Variants in RHAG observed in about 807,000 individuals in gnomAD.
RHAG encodes ammonium transporter Rh type A.
A neutral mutation model predicts 42.4 loss-of-function variants in RHAG; 25 were observed. The observed-to-expected ratio is 0.59, with a 90% confidence interval of 0.43 to 0.82. The LOEUF is 0.82. Ranked by LOEUF, RHAG falls within the 40% of genes least tolerant of loss-of-function variation. The probability of loss-of-function intolerance (pLI) is 0.00; values close to 1 mark genes in which losing one functional copy is unlikely to be tolerated. For synonymous variants in RHAG, 182 were observed against 177.7 expected (o/e 1.02, Z -0.19); for missense variants, 483 against 504.6 (o/e 0.96, Z 0.41).
intron 7 of RHAG, among the ~76,000 whole-genome samples, 155 bp downstream of exon 7, chr6:49,610,869 A>G (rs542670429): frequency 1.2e-3 from 179 of 152,200 alleles, no homozygotes; most frequent in Non-Finnish European, 2.2e-3. Context: ...ATATAATTTT[A>G]TTCTAATGAT....
chr6:49,619,782 T>C (rs553094665), intron 1 of RHAG, among the ~76,000 whole-genome samples: 1 of 152,374 alleles, frequency 6.6e-6, no homozygotes, highest in African/African-American at 2.4e-5. Context: ...TTTATCATTG[T>C]CATGCTATAA....
intron 3 of RHAG, 132 bp from the exon 4 acceptor site, chr6:49,615,903 C>G: frequency 1.1e-6 from 1 of 896,354 alleles, no homozygotes; most frequent in Non-Finnish European, 1.8e-6. Flanking sequence ...AAGATTGTGT[C>G]AGAGAAAGGG....
At position 49,611,053 on chromosome 6, in the gene RHAG, A is replaced by G. The variant is rs747862195; in HGVS notation, c.1038T>C (p.Ile346=). The G allele has an allele frequency of 1.2e-6, 2 of 1,613,868 alleles. No homozygotes were observed. The highest frequency in any genetic ancestry group is 1.7e-6 in the Non-Finnish European group (2 of 1,179,842). ...LPGVVGGLAG[I]VAVAMGASNT... is the part of the protein sequence containing the mutation. ...TGGAGGCGCCCATTGCTACTGCCAC[A>G]ATGCCTGCAAGGCCTCCCACTACAC... The change falls in exon 7 of 10, where the codon ATT becomes ATC. Residue 346 remains isoleucine (I), a synonymous_variant. Coordinates refer to ENST00000371175, the MANE Select transcript of RHAG (RefSeq NM_000324.3).
chr6:49,613,492 C>T (rs1762600642), intron 5 of RHAG, among the ~76,000 whole-genome samples: 1 of 152,114 alleles, frequency 6.6e-6, no homozygotes, highest in African/African-American at 2.4e-5. Flanking sequence ...TTTTCCTTTT[C>T]ATTGTTTTTA....
intron 1 of RHAG, among the ~76,000 whole-genome samples, chr6:49,627,090 G>A (rs909524761): frequency 6.6e-6 from 1 of 152,222 alleles, no homozygotes; most frequent in Non-Finnish European, 1.5e-5. Context: ...ACATGCCCTG[G>A]TGACATTTTC....
chr6:49,606,998 AT>A, intron 8 of RHAG, 77 bp from the exon 9 acceptor site: 2 of 1,222,616 alleles, frequency 1.6e-6, no homozygotes, highest in Non-Finnish European at 2.4e-6. Context: ...CTTATATACT[AT>A]TATAAAATCA....
chr6:49,625,859 A>G (rs1364883524), intron 1 of RHAG, among the ~76,000 whole-genome samples: 1 of 152,188 alleles, frequency 6.6e-6, no homozygotes, highest in Non-Finnish European at 1.5e-5. Context: ...ATCATGGTGA[A>G]AGGCAAAGGA....
chr6:49,612,346 A>G (rs1227682514), intron 6 of RHAG, 51 bp downstream of exon 6: 1 of 1,598,134 alleles, frequency 6.3e-7, no homozygotes, highest in African/African-American at 1.3e-5. Flanking sequence ...GGGACATGTG[A>G]GAAAAAAGGT....
In RHAG at chr6:49,612,463, T is replaced by C. The variant is rs778903422; in HGVS notation, c.879A>G (p.Pro293=). The change falls in exon 6 of 10, where the codon CCA becomes CCG. Residue 293 remains proline (P), a synonymous_variant. Coordinates refer to ENST00000371175, the MANE Select transcript of RHAG (RefSeq NM_000324.3). ...TGCTCCCAATAATCATAGAACCAAA[T>C]GGGTGAATTGCCATATCCGCACAAG... The part of the protein sequence containing the change: ...VGTCADMAIH[P]FGSMIIGSIA... The C allele has an allele frequency of 1.9e-6, 3 of 1,614,022 alleles. No homozygotes were observed. Among genetic ancestry groups the C allele is most frequent in the Admixed American group, 3.3e-5 (2 of 60,012 alleles).
At chr6:49,607,256 C>G (rs1386526866) in intron 7 of RHAG, 36 bp from the exon 8 acceptor site, 2 of 1,564,364 alleles carry the variant, frequency 1.3e-6, no homozygotes, top group Admixed American at 3.4e-5. Flanking sequence ...AGTGTCTTTC[C>G]TGGATCTCAG....
chr6:49,620,123 C>T (rs1762728892), intron 1 of RHAG, among the ~76,000 whole-genome samples: 1 of 152,072 alleles, frequency 6.6e-6, no homozygotes, highest in Admixed American at 6.6e-5. Context: ...AAATATTCAA[C>T]TTGGTGTCTG....
In RHAG at chr6:49,614,704, G is replaced by A. The variant is rs1397420527; in HGVS notation, c.790C>T (p.Arg264Ter). The change falls in exon 5 of 10, where the codon CGA becomes TGA. Residue 264 changes from arginine (R) to a stop codon, truncating the protein, a stop_gained. Transcript: ENST00000371175. LOFTEE classifies it high-confidence loss of function. The part of the protein sequence containing the change: ...AFAFSSLVEH[R>*]GKLNMVHIQN... ...GCACTTACCATGTTGAGCTTGCCTCGGTGCTCCACTAGGCTGGAGAAGGCA... is the reference window on the plus strand; with the variant it reads ...GCACTTACCATGTTGAGCTTGCCTCAGTGCTCCACTAGGCTGGAGAAGGCA... 2.5e-6 allele frequency: 4 copies of A among 1,613,774 alleles called. No homozygotes were observed. The highest frequency in any genetic ancestry group is 2.5e-6 in the Non-Finnish European group (3 of 1,179,988).
chr6:49,628,852 C>T lies in RHAG; in HGVS notation c.157+7804G>A, dbSNP rs568714061. On this transcript the variant is annotated intron_variant, in intron 1 of 9. Coordinates refer to ENST00000371175, the MANE Select transcript of RHAG (RefSeq NM_000324.3). ...TTACAGCTCATAAAAGCAGTGTGGA[C>T]CCAAAGAGTGAGCAGTAGCAAGATT... Among the ~76,000 whole-genome samples, 7 of 152,186 alleles carry T rather than the reference C, an allele frequency of 4.6e-5. No individual in the cohort carries two copies. In the South Asian group the frequency reaches 1.5e-3, roughly 32 times the overall value.
chr6:49,608,162 A>T (rs774996529), intron 7 of RHAG, among the ~76,000 whole-genome samples: 1 of 152,158 alleles, frequency 6.6e-6, no homozygotes, highest in Admixed American at 6.5e-5. Flanking sequence ...ATCTTACTAT[A>T]TTACTTATTT....
chr6:49,608,472 C>T (rs1036826938), intron 7 of RHAG, among the ~76,000 whole-genome samples: 7 of 143,304 alleles, frequency 4.9e-5, no homozygotes, highest in South Asian at 2.1e-4. Flanking sequence ...CTCCTCCCCG[C>T]GTTCAAGCAA....
chr6:49,606,479 C>T (rs1355023059), intron 9 of RHAG, among the ~76,000 whole-genome samples: 1 of 152,102 alleles, frequency 6.6e-6, no homozygotes, highest in Middle Eastern at 3.4e-3. Context: ...TTAGAAAATA[C>T]CATAACTTCT....
intron 2 of RHAG, among the ~76,000 whole-genome samples, chr6:49,618,964 T>A (rs1762704200): frequency 6.6e-6 from 1 of 152,104 alleles, no homozygotes; most frequent in African/African-American, 2.4e-5. Context: ...TGGTAGATGG[T>A]GCCTTCCAGC....
At position 49,605,317 on chromosome 6, in the gene RHAG, A is replaced by G. The variant is rs1375638615; in HGVS notation, c.*496T>C. 2 of 168,420 alleles carry G rather than the reference A, an allele frequency of 1.2e-5. No homozygotes were observed. Among genetic ancestry groups the G allele is most frequent in the South Asian group, 1.5e-4 (1 of 6,890 alleles). The allele number at this position is 168,420 out of a possible 1,614,324, so 10.4% of individuals were successfully genotyped here. On this transcript the variant is annotated 3_prime_UTR_variant, in exon 10 of 10. Transcript: ENST00000371175. Reference sequence around the variant, plus strand: ...ATGCAAGGATACAACATTACTAACTAGACTATTTTTAAAATAAAAAGCACT... The same window carrying G: ...ATGCAAGGATACAACATTACTAACTGGACTATTTTTAAAATAAAAAGCACT...
At chr6:49,626,403 A>G (rs754703978) in intron 1 of RHAG, among the ~76,000 whole-genome samples, 9 of 152,182 alleles carry the variant, frequency 5.9e-5, no homozygotes, top group African/African-American at 9.7e-5. Context: ...CAGTCCTTAA[A>G]TCTTAAATTT....
Sources: allele counts gnomAD v4.1 joint callset (sites outside exome capture counted in the v4.1 genomes callset), GRCh38; gene constraint gnomAD v4.1.1; transcripts MANE v1.5; gene names NCBI Gene and HGNC (gene_info 2026-07-23, HGNC 2026-07-21).